The following CNTNAP4 variants were observed in gnomAD, a reference collection of about 807,000 sequenced individuals.
CNTNAP4 encodes the protein contactin-associated protein-like 4.
In CNTNAP4, 98 loss-of-function variants were observed where a neutral mutation model predicts 148.4. The ratio of observed to expected loss-of-function variants is 0.66; its 90% CI spans 0.56 to 0.78. The LOEUF (loss-of-function observed/expected upper bound fraction) is 0.78. Ranked by LOEUF, CNTNAP4 falls within the 30% of genes least tolerant of loss-of-function variation. The pLI, the probability that CNTNAP4 is intolerant of heterozygous loss-of-function variation, is 0.00. For missense variants in CNTNAP4, 1,935 were observed against 1,565.6 expected (o/e 1.24, Z -3.98); for synonymous variants, 730 against 565.1 (o/e 1.29, Z -4.14).
At chr16:76,293,572 T>G (rs1167529031) in intron 1 of CNTNAP4, among the ~76,000 whole-genome samples, 1 of 152,192 alleles carries the variant, frequency 6.6e-6, no homozygotes, top group East Asian at 1.9e-4. Flanking sequence ...AATTAATTTG[T>G]TCTGAAATGA....
rs139696619 is a variant in CNTNAP4 at position 76,461,330 on chromosome 16, G to A, written c.1334-626G>A. 3.7e-4 allele frequency among the ~76,000 whole-genome samples: 57 copies of A among 152,252 alleles called. No homozygotes were observed. The East Asian group carries it at 0.011, about 28-fold the overall frequency. On this transcript the variant is annotated intron_variant, in intron 8 of 23. Transcript: ENST00000611870. The stretch of plus-strand genomic sequence containing the variant: ...TTAAGGTCTTTACTGCTCTGTACAT[G>A]TCCTGAAATGACTGAAAACACCCCT...
intron 15 of CNTNAP4, among the ~76,000 whole-genome samples, chr16:76,501,806 C>T (rs2082656782): frequency 6.6e-6 from 1 of 152,168 alleles, no homozygotes; most frequent in Non-Finnish European, 1.5e-5. Flanking sequence ...CGCGGTGGCT[C>T]ACGCCTGTAA....
chr16:76,403,919 C>A (rs2078508005), intron 3 of CNTNAP4, among the ~76,000 whole-genome samples: 1 of 152,038 alleles, frequency 6.6e-6, no homozygotes, highest in Non-Finnish European at 1.5e-5. Context: ...GAGCTGGAGG[C>A]CATTATCATT....
At chr16:76,336,642 G>C in intron 2 of CNTNAP4, among the ~76,000 whole-genome samples, 1 of 152,204 alleles carries the variant, frequency 6.6e-6, no homozygotes, top group Admixed American at 6.5e-5. Flanking sequence ...ATTTGTTACT[G>C]TGTATATTCA....
In CNTNAP4 at chr16:76,427,596, T is replaced by G; in HGVS notation, c.535T>G (p.Tyr179Asp). 1 of 1,606,494 alleles carries G rather than the reference T, an allele frequency of 6.2e-7. No individual in the cohort carries two copies. The highest frequency in any genetic ancestry group is 8.5e-7 in the Non-Finnish European group (1 of 1,176,852). Residue 179 changes from tyrosine (Y) to aspartate (D), a missense_variant, in exon 4 of 24, where the codon TAC becomes GAC. Transcript: ENST00000611870. ...GCGAATCGAAGTGTTCGGATGTGCA[T>G]ACAGTAAGTGTTTGTTTATCCAATA... The part of the protein sequence containing the change: ...GMRIEVFGCA[Y>D]RSEVVDLDGK...
At chr16:76,377,876 A>G (rs141952759) in intron 3 of CNTNAP4, among the ~76,000 whole-genome samples, 35 of 152,320 alleles carry the variant, frequency 2.3e-4, no homozygotes, top group African/African-American at 7.0e-4. Flanking sequence ...CAGAATGTTC[A>G]TTTGGATTTC....
intron 4 of CNTNAP4, among the ~76,000 whole-genome samples, chr16:76,446,565 G>T (rs2080255366): frequency 6.6e-6 from 1 of 152,050 alleles, no homozygotes; most frequent in Non-Finnish European, 1.5e-5. Context: ...TTGACAATAA[G>T]TAGATAAGAC....
intron 4 of CNTNAP4, among the ~76,000 whole-genome samples, chr16:76,444,196 C>G (rs1259054300): frequency 6.6e-6 from 1 of 152,038 alleles, no homozygotes; most frequent in Non-Finnish European, 1.5e-5. Flanking sequence ...AAACCCATAA[C>G]CTTTGGAGAT....
intron 3 of CNTNAP4, among the ~76,000 whole-genome samples, chr16:76,419,094 A>G (rs1294687088): frequency 1.3e-5 from 2 of 151,922 alleles, no homozygotes; most frequent in Non-Finnish European, 2.9e-5. Flanking sequence ...TAAGTGTTTC[A>G]GTGGGTTGTT....
At chr16:76,350,305 A>G (rs1965265024) in intron 2 of CNTNAP4, among the ~76,000 whole-genome samples, 1 of 152,184 alleles carries the variant, frequency 6.6e-6, no homozygotes, top group Non-Finnish European at 1.5e-5. Flanking sequence ...TTTGCATAGT[A>G]TTGGGAAAAT....
At chr16:76,522,354 C>T (rs1241916717) in intron 17 of CNTNAP4, 97 bp downstream of exon 17, 2 of 998,366 alleles carry the variant, frequency 2.0e-6, no homozygotes, top group Non-Finnish European at 3.0e-6. Context: ...AGGATAATAA[C>T]AACAAGCAAT....
At chr16:76,493,091 C>A (rs548100012) in intron 13 of CNTNAP4, among the ~76,000 whole-genome samples, 1 of 151,954 alleles carries the variant, frequency 6.6e-6, no homozygotes, top group Non-Finnish European at 1.5e-5. Flanking sequence ...GATTGGTGAC[C>A]TCATGATTCG....
intron 19 of CNTNAP4, among the ~76,000 whole-genome samples, chr16:76,539,468 A>T (rs1436127436): frequency 6.6e-6 from 1 of 152,062 alleles, no homozygotes; most frequent in East Asian, 1.9e-4. Context: ...GCATATGCTT[A>T]ATCTGAGTTG....
intron 1 of CNTNAP4, among the ~76,000 whole-genome samples, chr16:76,280,398 A>C (rs945608780): frequency 7.2e-5 from 11 of 152,180 alleles, no homozygotes; most frequent in Admixed American, 6.5e-4. Context: ...GCTCATTTGT[A>C]TATAGGTATA....
chr16:76,471,691 A>T (rs1023789542), intron 10 of CNTNAP4, among the ~76,000 whole-genome samples: 1 of 151,942 alleles, frequency 6.6e-6, no homozygotes, highest in African/African-American at 2.4e-5. Flanking sequence ...TTTGTTCCTT[A>T]TACTCACACA....
intron 2 of CNTNAP4, among the ~76,000 whole-genome samples, chr16:76,318,950 T>C (rs977242265): frequency 1.3e-5 from 2 of 152,052 alleles, no homozygotes; most frequent in South Asian, 2.1e-4. Context: ...ACTTCTTTCC[T>C]ACAGAATTAT....
intron 3 of CNTNAP4, among the ~76,000 whole-genome samples, chr16:76,371,633 G>A (rs2014835198): frequency 6.6e-6 from 1 of 152,158 alleles, no homozygotes; most frequent in South Asian, 2.1e-4. Context: ...GTATGCAAAG[G>A]AAAGCACATT....
chr16:76,484,911 T>C (rs2081972389), intron 12 of CNTNAP4, among the ~76,000 whole-genome samples: 1 of 152,176 alleles, frequency 6.6e-6, no homozygotes, highest in African/African-American at 2.4e-5. Context: ...CTAGAACTAG[T>C]GTCAAGTGAT....
chr16:76,454,373 T>A (rs2080641347), intron 8 of CNTNAP4, among the ~76,000 whole-genome samples: 1 of 152,182 alleles, frequency 6.6e-6, no homozygotes, highest in Admixed American at 6.5e-5. Flanking sequence ...GTATAGTTAA[T>A]ATATTACTAG....
Sources: allele counts gnomAD v4.1 joint callset (sites outside exome capture counted in the v4.1 genomes callset), GRCh38; gene constraint gnomAD v4.1.1; transcripts MANE v1.5; gene names NCBI Gene and HGNC (gene_info 2026-07-23, HGNC 2026-07-21).